PRKG1: variants seen among roughly 807,000 people sequenced by gnomAD.
PRKG1 encodes the protein cGMP-dependent protein kinase 1.
In PRKG1, 35 loss-of-function variants were observed where a neutral mutation model predicts 88.1. That is an observed-to-expected ratio of 0.40 (90% CI 0.30 to 0.53). The LOEUF is 0.53. Ranked by LOEUF, PRKG1 falls within the 20% of genes least tolerant of loss-of-function variation. The pLI is 0.59. For synonymous variants in PRKG1, 303 were observed against 292.5 expected, an observed-to-expected ratio of 1.04 and a Z score of -0.37; for missense variants, 540 against 839.8, an observed-to-expected ratio of 0.64 and a Z score of 4.41.
intron 3 of PRKG1, among the ~76,000 whole-genome samples, chr10:51,658,929 T>C (rs12259101): frequency 0.01 from 1,591 of 152,172 alleles, 30 homozygotes; most frequent in African/African-American, 0.036. Context: ...ACATGTATTT[T>C]CCATCTCTTC....
intron 4 of PRKG1, among the ~76,000 whole-genome samples, chr10:51,891,226 T>C (rs149357418): frequency 8.4e-4 from 128 of 152,266 alleles, no homozygotes; most frequent in African/African-American, 2.8e-3. Flanking sequence ...ATCATACCAT[T>C]GCACCCAAGC....
chr10:51,137,818 G>A (rs1845724518), intron 1 of PRKG1, among the ~76,000 whole-genome samples: 1 of 152,122 alleles, frequency 6.6e-6, no homozygotes, highest in Non-Finnish European at 1.5e-5. Context: ...CATATTAGAT[G>A]GGAAGAAAAG....
chr10:51,269,523 A>G (rs1176703077), intron 2 of PRKG1, among the ~76,000 whole-genome samples: 1 of 152,236 alleles, frequency 6.6e-6, no homozygotes, highest in Non-Finnish European at 1.5e-5. Context: ...AACATGGAAT[A>G]CTACTCAGCC....
At chr10:51,784,070 G>GA (rs1023304825) in intron 3 of PRKG1, among the ~76,000 whole-genome samples, 7 of 152,028 alleles carry the variant, frequency 4.6e-5, no homozygotes, top group Admixed American at 4.6e-4. Flanking sequence ...CTCCCCTTGT[G>GA]AAAGGCCTTC....
At chr10:51,229,738 G>A (rs1554849216) in intron 2 of PRKG1, among the ~76,000 whole-genome samples, 1 of 151,878 alleles carries the variant, frequency 6.6e-6, no homozygotes, top group Non-Finnish European at 1.5e-5. Context: ...AGTCTGACCT[G>A]GGAAACGTGG....
rs11815301 is a variant in PRKG1 at position 51,452,385 on chromosome 10, G to A, written c.479-15338G>A. 2.1e-3 allele frequency among the ~76,000 whole-genome samples: 317 copies of A among 151,988 alleles called. 3 individuals are homozygous for A. Among genetic ancestry groups the A allele is most frequent in the South Asian group, 8.7e-3 (42 of 4,814 alleles). ...TCTTTTTTCAGTTCTCAGGGGGAAT[G>A]CTTTCAACTTTTCCCCATTCAGTGT... On this transcript the variant is annotated intron_variant, in intron 2 of 17. Coordinates refer to ENST00000373980, the MANE Select transcript of PRKG1 (RefSeq NM_006258.4).
intron 5 of PRKG1, among the ~76,000 whole-genome samples, chr10:51,963,167 G>C (rs985249117): frequency 5.3e-4 from 81 of 152,196 alleles, no homozygotes; most frequent in African/African-American, 1.8e-3. Flanking sequence ...TGTGTAACTT[G>C]CATACAGCAT....
rs143421689 is a variant in PRKG1, at chr10:51,493,225, T to G, written c.592+25389T>G. The stretch of plus-strand genomic sequence containing the variant: ...TTTTACTCCAAAAAAGGATTAGCAA[T>G]TTTTTAATCTACTCATTTCCAAAAT... On this transcript the variant is annotated intron_variant, in intron 3 of 17. Coordinates refer to ENST00000373980, the MANE Select transcript of PRKG1 (RefSeq NM_006258.4). 6.9e-3 allele frequency among the ~76,000 whole-genome samples: 1,048 copies of G among 152,288 alleles called. 6 individuals carry two copies. Among genetic ancestry groups the G allele is most frequent in the Non-Finnish European group, 0.011 (774 of 67,974 alleles).
intron 5 of PRKG1, among the ~76,000 whole-genome samples, chr10:52,036,911 T>C (rs1845628338): frequency 6.6e-6 from 1 of 151,844 alleles, no homozygotes. Flanking sequence ...TAATGTGGAG[T>C]GGGTAGCCTC....
At chr10:51,535,299 G>A (rs61849825) in intron 3 of PRKG1, among the ~76,000 whole-genome samples, 8,910 of 152,138 alleles carry the variant, frequency 0.059, 367 homozygotes, top group Middle Eastern at 0.085. Context: ...TCCCTATGCA[G>A]TATTATCTCT....
At chr10:51,912,765 C>T (rs1413221881) in intron 5 of PRKG1, among the ~76,000 whole-genome samples, 2 of 151,820 alleles carry the variant, frequency 1.3e-5, no homozygotes, top group Non-Finnish European at 2.9e-5. Flanking sequence ...TGCCATGGCC[C>T]ACCCCAGCCC....
intron 1 of PRKG1, among the ~76,000 whole-genome samples, chr10:51,054,741 T>C (rs749545559): frequency 1.8e-4 from 27 of 152,312 alleles, no homozygotes; most frequent in Middle Eastern, 3.4e-3. Context: ...TCTGTAGCTC[T>C]GGAGTCAGAA....
intron 3 of PRKG1, among the ~76,000 whole-genome samples, chr10:51,596,739 A>G (rs1205425722): frequency 2.0e-5 from 3 of 152,190 alleles, no homozygotes; most frequent in African/African-American, 7.2e-5. Flanking sequence ...GAAATAATCA[A>G]TGCGATGATT....
At chr10:51,184,711 C>T (rs988307281) in intron 2 of PRKG1, among the ~76,000 whole-genome samples, 1 of 152,062 alleles carries the variant, frequency 6.6e-6, no homozygotes, top group Admixed American at 6.6e-5. Flanking sequence ...TATTTCATAT[C>T]TAATCTAATT....
At chr10:52,034,787 C>G (rs1320384737) in intron 5 of PRKG1, among the ~76,000 whole-genome samples, 8 of 151,988 alleles carry the variant, frequency 5.3e-5, no homozygotes, top group Admixed American at 1.3e-4. Context: ...AAGTTTTTTG[C>G]GGCACAGTGT....
chr10:51,351,847 G>A (rs1842255395), intron 2 of PRKG1, among the ~76,000 whole-genome samples: 1 of 152,132 alleles, frequency 6.6e-6, no homozygotes, highest in Non-Finnish European at 1.5e-5. Context: ...TATTGCCTAA[G>A]TTTCCTTCTA....
chr10:51,754,013 C>T (rs1332965982), intron 3 of PRKG1, among the ~76,000 whole-genome samples: 2 of 152,050 alleles, frequency 1.3e-5, no homozygotes, highest in Non-Finnish European at 1.5e-5. Flanking sequence ...GTAACATGGA[C>T]TCTTGAATCC....
At chr10:51,178,618 C>T (rs992076175) in intron 2 of PRKG1, among the ~76,000 whole-genome samples, 7 of 152,120 alleles carry the variant, frequency 4.6e-5, no homozygotes, top group Non-Finnish European at 2.9e-5. Flanking sequence ...GCCTGGAAGA[C>T]AGAGTGAGAA....
chr10:51,331,604 C>T (rs1396874342), intron 2 of PRKG1, among the ~76,000 whole-genome samples: 29 of 152,084 alleles, frequency 1.9e-4, no homozygotes. Context: ...TGCAAAATTG[C>T]CTTTCTATCA....
Sources: gnomAD v4.1 joint callset for allele counts (sites outside exome capture counted in the v4.1 genomes callset) on GRCh38, gnomAD v4.1.1 for gene constraint, MANE v1.5 for transcripts, NCBI Gene and HGNC (gene_info 2026-07-23, HGNC 2026-07-21) for gene names.